GVQW3: variants seen among roughly 807,000 people sequenced by gnomAD.
GVQW3 encodes the protein protein GVQW3.
A neutral mutation model predicts 12.5 loss-of-function variants in GVQW3; 7 were observed. The observed-to-expected ratio is 0.56, with a 90% confidence interval of 0.32 to 1.05. GVQW3 has a LOEUF of 1.05. Among genes scored for constraint, GVQW3 ranks in the 50% least tolerant of loss-of-function variants. The pLI is 0.04. For missense variants in GVQW3, 188 were observed against 190.8 expected (o/e 0.99, Z 0.09); for synonymous variants, 71 against 67.2 (o/e 1.06, Z -0.28).
At chr11:76,403,187 C>A (rs1340401283) in intron 1 of GVQW3, among the ~76,000 whole-genome samples, 1 of 152,082 alleles carries the variant, frequency 6.6e-6, no homozygotes, top group East Asian at 1.9e-4. Context: ...ACCTCATGAT[C>A]CGCCTGCCTC....
At position 76,382,173 on chromosome 11, in the gene GVQW3, G is replaced by A. The variant is rs529676387; in HGVS notation, c.345G>A (p.Arg115=). The A allele has an allele frequency of 2.0e-6, 3 of 1,536,206 alleles. No individual in the cohort carries two copies. Among genetic ancestry groups the A allele is most frequent in the Non-Finnish European group, 2.6e-6 (3 of 1,146,924 alleles). Residue 115 remains arginine, a synonymous_variant, in exon 1 of 2, where the codon AGG becomes AGA. Transcript: ENST00000529331. ...RLILKENLNM[R]KISAKVISGV... ...TTTTGAAAGAAAACTTGAACATGAG[G>A]AAGATTTCTGCAAAAGTTATTTCGG...
rs1947025498 is a variant in GVQW3, at chr11:76,404,976, CTT to C, written c.*1222_*1223del. On this transcript the variant is annotated 3_prime_UTR_variant, in exon 2 of 2. Coordinates refer to ENST00000529331, the MANE Select transcript of GVQW3 (RefSeq NM_001347885.2). The stretch of plus-strand genomic sequence containing the variant: ...ATTGAGCATTGTTTATGTGTGGACA[CTT>C]TTTATGCATGTATATTGGAATATTT... The C allele has an allele frequency of 6.6e-6, 1 of 152,184 alleles. No individual in the cohort carries two copies. 9.4% of individuals were successfully genotyped at this position (152,184 alleles called of 1,614,324 possible).
At chr11:76,413,712 C>A (rs755590399) in exon 2 of GVQW3, 1 of 152,200 alleles carries the variant, frequency 6.6e-6, no homozygotes, top group Non-Finnish European at 1.5e-5. Context: ...TGGGTGAGCC[C>A]ACCTAAATTA....
At chr11:76,392,591 C>G (rs1056893755) in intron 1 of GVQW3, 1 of 152,160 alleles carries the variant, frequency 6.6e-6, no homozygotes, top group African/African-American at 2.4e-5. Context: ...AATGTACATT[C>G]TTATGATATC....
downstream of GVQW3, chr11:76,411,946 A>G (rs1035701377): frequency 6.6e-6 from 1 of 152,174 alleles, no homozygotes; most frequent in Non-Finnish European, 1.5e-5. Flanking sequence ...ACTGGCTGAA[A>G]TCTCTGGAAT....
At chr11:76,414,402 C>T (rs141650416) in exon 2 of GVQW3, 225 of 152,230 alleles carry the variant, frequency 1.5e-3, no homozygotes, top group Non-Finnish European at 2.6e-3. Context: ...GAACCCTTGG[C>T]ATCCAAGTGT....
rs74399584 is a variant in GVQW3, at chr11:76,384,731, C to A, written c.465+2438C>A. Among the ~76,000 whole-genome samples, 988 of 152,320 alleles carry A rather than the reference C, an allele frequency of 6.5e-3. 2 individuals are homozygous for A. Among genetic ancestry groups the A allele is most frequent in the Non-Finnish European group, 0.01 (695 of 68,028 alleles). ...AACAACAGCTTATAGACCTCCAGCT[C>A]CTTAACAGTTTCTAGACATTCCATT... On this transcript the variant is annotated intron_variant, in intron 1 of 1. Coordinates refer to ENST00000529331, the MANE Select transcript of GVQW3 (RefSeq NM_001347885.2).
Position 76,391,528 on chromosome 11 carries a change from G to A in GVQW3, c.465+9235G>A, listed in dbSNP as rs190764022. Among the ~76,000 whole-genome samples, 7 of 152,294 alleles carry A rather than the reference G, an allele frequency of 4.6e-5. No individual in the cohort carries two copies. The East Asian group carries it at 1.2e-3, about 25-fold the overall frequency. On this transcript the variant is annotated intron_variant, in intron 1 of 1. Coordinates refer to ENST00000529331, the MANE Select transcript of GVQW3 (RefSeq NM_001347885.2). ...GGAAAAGGAGAGTTTAATGGTTTGC[G>A]GTTTTGATATTTTTGTCCATTGTAG...
At position 76,407,782 on chromosome 11, in the gene GVQW3, A is replaced by G. The variant is rs1947056371; in HGVS notation, c.*4024A>G. ...GTCCCACAATGGAGAAATTGTTAAG[A>G]AAATTACAGCATACTCATTAAGTGA... On this transcript the variant is annotated 3_prime_UTR_variant, in exon 2 of 2. Coordinates refer to ENST00000529331, the MANE Select transcript of GVQW3 (RefSeq NM_001347885.2). 2 of 152,166 alleles carry G rather than the reference A, an allele frequency of 1.3e-5. No homozygotes were observed. The highest frequency in any genetic ancestry group is 4.8e-5 in the African/African-American group (2 of 41,460). The allele number at this position is 152,166 out of a possible 1,614,324, so 9.4% of individuals were successfully genotyped here. A position where few individuals can be genotyped will look rare whatever the true frequency, so the allele number is the denominator to read the frequency against.
At chr11:76,390,141 T>C (rs1946877714) in intron 1 of GVQW3, 1 of 152,332 alleles carries the variant, frequency 6.6e-6, no homozygotes, top group African/African-American at 2.4e-5. Context: ...AAAGGTCTCC[T>C]CAGTGAAATT....
intron 1 of GVQW3, among the ~76,000 whole-genome samples, chr11:76,390,323 T>G (rs569323073): frequency 3.8e-4 from 58 of 152,346 alleles, no homozygotes; most frequent in Non-Finnish European, 6.8e-4. Context: ...TATGTGACTT[T>G]GGGCAGTTCA....
At chr11:76,402,917 G>A (rs185995603) in intron 1 of GVQW3, among the ~76,000 whole-genome samples, 23 of 151,078 alleles carry the variant, frequency 1.5e-4, no homozygotes, top group African/African-American at 5.3e-4. Flanking sequence ...CTAGGCTGGA[G>A]GTAGACATTT....
Position 76,387,134 on chromosome 11 carries a change from A to G in GVQW3, c.465+4841A>G, listed in dbSNP as rs961101672. ...AATACTATTTTGATTTTTTTAAACC[A>G]TTGAAAAATGTTAAAAAGAGGCCGG... On this transcript the variant is annotated intron_variant, in intron 1 of 1. Coordinates refer to ENST00000529331, the MANE Select transcript of GVQW3 (RefSeq NM_001347885.2). Among the ~76,000 whole-genome samples, 3 of 152,152 alleles carry G rather than the reference A, an allele frequency of 2.0e-5. No homozygotes were observed. The East Asian group carries it at 5.8e-4, about 29-fold the overall frequency.
intron 1 of GVQW3, among the ~76,000 whole-genome samples, chr11:76,402,661 G>A (rs1442733302): frequency 6.6e-6 from 1 of 152,100 alleles, no homozygotes; most frequent in African/African-American, 2.4e-5. Flanking sequence ...TCATGTTTCT[G>A]GAAGTTGCCA....
chr11:76,403,825 G>C lies in GVQW3; in HGVS notation c.*67G>C, dbSNP rs752308089. The C allele has an allele frequency of 1.5e-6, 1 of 671,960 alleles. No individual in the cohort carries two copies. The highest frequency in any genetic ancestry group is 2.7e-6 in the Non-Finnish European group (1 of 366,232). The allele number at this position is 671,960 out of a possible 1,614,324, so 41.6% of individuals were successfully genotyped here. On this transcript the variant is annotated 3_prime_UTR_variant, in exon 2 of 2. Coordinates refer to ENST00000529331, the MANE Select transcript of GVQW3 (RefSeq NM_001347885.2). ...TTCCAGTCTGAGTCCACAGGCCGAA[G>C]AGCGAGGAGTGCTGATGTACAAGGG...
chr11:76,396,255 A>G (rs1305348987), intron 1 of GVQW3, among the ~76,000 whole-genome samples: 2 of 151,988 alleles, frequency 1.3e-5, no homozygotes, highest in Non-Finnish European at 2.9e-5. Context: ...GCATTTGCCT[A>G]GTATATTTTC....
intron 1 of GVQW3, among the ~76,000 whole-genome samples, chr11:76,403,009 G>A (rs551175826): frequency 2.1e-4 from 32 of 152,088 alleles, no homozygotes; most frequent in East Asian, 1.2e-3. Context: ...GTGCAGTGGC[G>A]CAATCTCGGC....
chr11:76,402,960 AT>A (rs1313870868), intron 1 of GVQW3, among the ~76,000 whole-genome samples: 3 of 108,528 alleles, frequency 2.8e-5, no homozygotes, highest in Admixed American at 1.3e-4. Flanking sequence ...TTATTTATTT[AT>A]TTTTGAGACA....
At chr11:76,401,041 A>T (rs4945082) in intron 1 of GVQW3, among the ~76,000 whole-genome samples, 131,169 of 150,540 alleles carry the variant, frequency 0.87, 57,216 homozygotes, top group Admixed American at 0.9. Context: ...ATATATATAT[A>T]TTTTTTCTCT....
Sources: allele counts gnomAD v4.1 joint callset (sites outside exome capture counted in the v4.1 genomes callset), GRCh38; gene constraint gnomAD v4.1.1; transcripts MANE v1.5; gene names NCBI Gene and HGNC (gene_info 2026-07-23, HGNC 2026-07-21).